The following FAM131B variants were observed in gnomAD, a reference collection of about 807,000 sequenced individuals.
FAM131B encodes protein FAM131B.
A neutral mutation model predicts 42.0 loss-of-function variants in FAM131B; 19 were observed. The observed-to-expected ratio is 0.45, with a 90% CI of 0.32 to 0.66. FAM131B has a LOEUF of 0.66. Among genes scored for constraint, FAM131B ranks in the 30% least tolerant of loss-of-function variants. The pLI is 0.05. For synonymous variants in FAM131B, 183 were observed against 177.6 expected, an observed-to-expected ratio of 1.03 and a Z score of -0.24; for missense variants, 370 against 468.4, an observed-to-expected ratio of 0.79 and a Z score of 1.94.
At chr7:143,374,438 C>G in the FAM131B span, among the ~76,000 whole-genome samples, 1 of 152,310 alleles carries the variant, frequency 6.6e-6, no homozygotes, top group East Asian at 1.9e-4. Context: ...CCTTTCACCT[C>G]GAGCTCTACC....
Position 143,362,660 on chromosome 7 carries a change from G to A in FAM131B, c.-57C>T. The A allele has an allele frequency of 2.8e-6, 3 of 1,067,110 alleles. No individual in the cohort carries two copies. Among genetic ancestry groups the A allele is most frequent in the Non-Finnish European group, 3.5e-6 (3 of 850,512 alleles). 66.1% of individuals were successfully genotyped at this position (1,067,110 alleles called of 1,614,324 possible). ...CGACTCGGGGCGCGCGCCGGGGGGAGCACCGGGAGCCGCGCCGCCGCCCCA... is the reference window on the plus strand; with the variant it reads ...CGACTCGGGGCGCGCGCCGGGGGGAACACCGGGAGCCGCGCCGCCGCCCCA... On this transcript the variant is annotated 5_prime_UTR_variant, in exon 1 of 7. Transcript: ENST00000443739. This position sits in a 1 kb window ranked among gnomAD's most constrained non-coding sequence, Gnocchi z 7.7.
At chr7:143,366,041 C>T (rs929599241), upstream of FAM131B, among the ~76,000 whole-genome samples, 3 of 152,254 alleles carry the variant, frequency 2.0e-5, no homozygotes, top group East Asian at 1.9e-4. Context: ...TGTGAGCCAT[C>T]GCACCTGGCC....
the FAM131B span, among the ~76,000 whole-genome samples, chr7:143,379,211 T>C: frequency 5.6e-4 from 85 of 152,360 alleles, no homozygotes; most frequent in African/African-American, 1.9e-3. Flanking sequence ...CTTAACTATC[T>C]TTTTTTCCCC....
chr7:143,359,015 C>T lies in FAM131B; in HGVS notation c.278G>A (p.Arg93Gln), dbSNP rs767293769. Residue 93 changes from arginine to glutamine, a missense_variant, in exon 5 of 7, where the codon CGG becomes CAG. Arg to Gln is a conservative substitution (Grantham distance 43). Coordinates refer to ENST00000443739, the MANE Select transcript of FAM131B (RefSeq NM_001031690.3). This position sits in a 1 kb window ranked among gnomAD's most constrained non-coding sequence, Gnocchi z 5.4. ...LAKSSFSGISRSMKDHVTKPT... is the reference protein window; with the variant it reads ...LAKSSFSGISQSMKDHVTKPT... ...CTTTGTCACATGGTCCTTCATGCTC[C>T]GTGAGATCCCTATGGGGCCAGACAT... The T allele has an allele frequency of 3.1e-5, 50 of 1,613,590 alleles. No homozygotes were observed. Among genetic ancestry groups the T allele is most frequent in the East Asian group, 2.2e-4 (10 of 44,884 alleles).
At chr7:143,367,579 C>T (rs1333269512), upstream of FAM131B, among the ~76,000 whole-genome samples, 5 of 152,106 alleles carry the variant, frequency 3.3e-5, no homozygotes, top group African/African-American at 9.7e-5. Context: ...GTGGTGTACA[C>T]CTGTAATCCC....
Position 143,359,748 on chromosome 7 carries a change from G to T in FAM131B, c.158C>A (p.Ser53Tyr). The T allele has an allele frequency of 6.4e-7, 1 of 1,571,564 alleles. No individual in the cohort carries two copies. Among genetic ancestry groups the T allele is most frequent in the Non-Finnish European group, 8.6e-7 (1 of 1,157,688 alleles). Residue 53 changes from serine to tyrosine, a missense_variant, in exon 3 of 7, where the codon TCC (serine) becomes TAC (tyrosine). Physicochemically the swap from Ser to Tyr is moderately radical, Grantham distance 144. Transcript: ENST00000443739. The surrounding 1 kb of genome is among the most constrained non-coding windows in gnomAD (Gnocchi z 5.4). ...TGCACTCACGTTGATGCCGTCCCAG[G>T]AGAAATCAGTTCGAGTTTGCTGTGA... ...PSTEQTRTDF[S>Y]WDGINLSMED...
the FAM131B span, chr7:143,381,012 GGGTC>G: frequency 3.8e-6 from 1 of 264,624 alleles, no homozygotes; most frequent in Non-Finnish European, 5.9e-6. Flanking sequence ...GGGCACCCGC[GGGTC>G]GGGCGGGGAG....
chr7:143,381,975 C>A, the FAM131B span: 1 of 642,064 alleles, frequency 1.6e-6, no homozygotes, highest in Admixed American at 3.2e-5. Context: ...CCAAGTCCCC[C>A]GCCTGGGAGT....
upstream of FAM131B, among the ~76,000 whole-genome samples, chr7:143,367,424 T>C (rs1307613057): frequency 6.6e-6 from 1 of 152,064 alleles, no homozygotes. Context: ...AGAAAGCTTA[T>C]CTCTGGGCAC....
chr7:143,356,528 G>A lies in FAM131B; in HGVS notation c.*22C>T, dbSNP rs757863923. Reference sequence around the variant, plus strand: ...CCATGGCCCTCAGGTGGGAGTGGAAGGCAGGGCATTGGGGGAGGAAACTAG... The same window carrying A: ...CCATGGCCCTCAGGTGGGAGTGGAAAGCAGGGCATTGGGGGAGGAAACTAG... On this transcript the variant is annotated 3_prime_UTR_variant, in exon 7 of 7. Coordinates refer to ENST00000443739, the MANE Select transcript of FAM131B (RefSeq NM_001031690.3). The surrounding 1 kb of genome is among the most constrained non-coding windows in gnomAD (Gnocchi z 4.4). 51 of 1,570,014 alleles carry A rather than the reference G, an allele frequency of 3.2e-5. No individual in the cohort carries two copies. Among genetic ancestry groups the A allele is most frequent in the Non-Finnish European group, 4.4e-5 (50 of 1,142,574 alleles).
chr7:143,359,199 C>T lies in FAM131B; in HGVS notation c.268+127G>A. 2.9e-6 allele frequency: 3 copies of T among 1,018,206 alleles called. No individual in the cohort carries two copies. The highest frequency in any genetic ancestry group is 4.5e-6 in the Non-Finnish European group (3 of 674,118). The allele number at this position is 1,018,206 out of a possible 1,614,324, so 63.1% of individuals were successfully genotyped here. On this transcript the variant is annotated intron_variant, in intron 4 of 6. Transcript: ENST00000443739. This position sits in a 1 kb window ranked among gnomAD's most constrained non-coding sequence, Gnocchi z 5.4. ...ATGGCCTGGAGGATGGGAGGCTTGACAGAAGGGTGAATAGGTCAGGGGGTG... is the reference window on the plus strand; with the variant it reads ...ATGGCCTGGAGGATGGGAGGCTTGATAGAAGGGTGAATAGGTCAGGGGGTG...
chr7:143,366,673 T>G (rs1804188720), upstream of FAM131B, among the ~76,000 whole-genome samples: 2 of 151,824 alleles, frequency 1.3e-5, no homozygotes, highest in African/African-American at 4.8e-5. Flanking sequence ...TTCTACTGCC[T>G]TAGTCTCTAG....
chr7:143,381,507 G>T, the FAM131B span: 1 of 1,538,210 alleles, frequency 6.5e-7, no homozygotes, highest in East Asian at 2.5e-5. Context: ...GGGACCGCCT[G>T]GGGCTCCTGA....
chr7:143,368,299 C>T, the FAM131B span, among the ~76,000 whole-genome samples: 1 of 152,202 alleles, frequency 6.6e-6, no homozygotes, highest in South Asian at 2.1e-4. Context: ...TTTTAAAGGT[C>T]AAGCCAATCC....
At chr7:143,360,487 T>A in intron 1 of FAM131B, 2 of 965,432 alleles carry the variant, frequency 2.1e-6, no homozygotes, top group Non-Finnish European at 2.6e-6. Flanking sequence ...TTTTCTCTAT[T>A]ACAAGTCTAC....
rs1239232778 is a variant in FAM131B at position 143,359,084 on chromosome 7, C to T, written c.269-60G>A. ...TATCACACAATACCCATAACCAGAC[C>T]CTCCCAGTTCCTCCCACCCCAGCCC... On this transcript the variant is annotated intron_variant, in intron 4 of 6. Transcript: ENST00000443739. The surrounding 1 kb of genome is among the most constrained non-coding windows in gnomAD (Gnocchi z 5.4). The T allele has an allele frequency of 1.5e-5, 22 of 1,489,300 alleles. No homozygotes were observed. The highest frequency in any genetic ancestry group is 1.8e-5 in the Non-Finnish European group (20 of 1,090,886). 92.3% of individuals were successfully genotyped at this position (1,489,300 alleles called of 1,614,324 possible).
rs762411247 is a variant in FAM131B at position 143,359,487 on chromosome 7, A to C, written c.175-68T>G. On this transcript the variant is annotated intron_variant, in intron 3 of 6. Coordinates refer to ENST00000443739, the MANE Select transcript of FAM131B (RefSeq NM_001031690.3). This position sits in a 1 kb window ranked among gnomAD's most constrained non-coding sequence, Gnocchi z 5.4. Reference sequence around the variant, plus strand: ...TACGGGCGTGCTTTATACATGGAGGAGGTTCATGGTTTCCAGGAAAAAGCA... The same window carrying C: ...TACGGGCGTGCTTTATACATGGAGGCGGTTCATGGTTTCCAGGAAAAAGCA... 7 of 1,251,040 alleles carry C rather than the reference A, an allele frequency of 5.6e-6. No individual in the cohort carries two copies. The highest frequency in any genetic ancestry group is 8.1e-6 in the Non-Finnish European group (7 of 860,252). 77.5% of individuals were successfully genotyped at this position (1,251,040 alleles called of 1,614,324 possible). A position where few individuals can be genotyped will look rare whatever the true frequency, so the allele number is the denominator to read the frequency against.
chr7:143,359,192 G>T lies in FAM131B; in HGVS notation c.268+134C>A. 2 of 1,013,938 alleles carry T rather than the reference G, an allele frequency of 2.0e-6. No homozygotes were observed. Among genetic ancestry groups the T allele is most frequent in the South Asian group, 2.9e-5 (2 of 67,974 alleles). 62.8% of individuals were successfully genotyped at this position (1,013,938 alleles called of 1,614,324 possible). A position where few individuals can be genotyped will look rare whatever the true frequency, so the allele number is the denominator to read the frequency against. ...GGAGGGAATGGCCTGGAGGATGGGA[G>T]GCTTGACAGAAGGGTGAATAGGTCA... On this transcript the variant is annotated intron_variant, in intron 4 of 6. Transcript: ENST00000443739. This position sits in a 1 kb window ranked among gnomAD's most constrained non-coding sequence, Gnocchi z 5.4.
intron 6 of FAM131B, 123 bp from the exon 7 acceptor site, chr7:143,357,145 A>C (rs931004286): frequency 7.9e-6 from 9 of 1,139,532 alleles, no homozygotes; most frequent in Non-Finnish European, 1.2e-5. Context: ...CACAGAGTGC[A>C]CAGTGAGTAG....
Sources: allele counts gnomAD v4.1 joint callset (sites outside exome capture counted in the v4.1 genomes callset), GRCh38; gene constraint gnomAD v4.1.1; non-coding constraint Gnocchi (gnomAD v3.1); transcripts MANE v1.5; gene names NCBI Gene and HGNC (gene_info 2026-07-23, HGNC 2026-07-21).